Variants in LAIR2 observed in about 807,000 individuals in gnomAD.
LAIR2 encodes leukocyte-associated immunoglobulin-like receptor 2.
Under a neutral mutation model 14.8 loss-of-function variants are expected in LAIR2, and 14 were observed. The ratio of observed to expected loss-of-function variants is 0.95; its 90% confidence interval spans 0.62 to 1.48. LAIR2 has a LOEUF of 1.48. Among genes scored for constraint, LAIR2 ranks in the 40% most tolerant of loss-of-function variants. The probability of loss-of-function intolerance (pLI) is 0.00; values close to 1 mark genes in which losing one functional copy is unlikely to be tolerated. For synonymous variants in LAIR2, 75 were observed against 74.5 expected (o/e 1.01, Z -0.03); for missense variants, 172 against 180.9 (o/e 0.95, Z 0.28).
Position 54,510,632 on chromosome 19 carries a change from T to C in LAIR2, c.*63T>C, listed in dbSNP as rs1436521015. On this transcript the variant is annotated 3_prime_UTR_variant, in exon 5 of 5. Transcript: ENST00000301202. ...GGGGAGAAATAATTAGAATGAGCAA[T>C]AGAAATGCACAGATGCCTATACATA... The C allele has an allele frequency of 1.3e-6, 2 of 1,587,502 alleles. No individual in the cohort carries two copies. Among genetic ancestry groups the C allele is most frequent in the Non-Finnish European group, 1.7e-6 (2 of 1,155,970 alleles).
chr19:54,509,876 G>A (rs971170893), intron 4 of LAIR2, among the ~76,000 whole-genome samples: 1 of 150,616 alleles, frequency 6.6e-6, no homozygotes, highest in African/African-American at 2.4e-5. Context: ...ACTGCCAGGG[G>A]AGGACACGGG....
Position 54,507,950 on chromosome 19 carries a change from C to T in LAIR2, c.130C>T (p.His44Tyr), listed in dbSNP as rs200423201. The T allele has an allele frequency of 1.3e-5, 21 of 1,614,114 alleles. No homozygotes were observed. Among genetic ancestry groups the T allele is most frequent in the Admixed American group, 5.0e-5 (3 of 60,020 alleles). ...AGGCACTGTGATCTCCCCGGGGAGC[C>T]ATGTGACTTTCATGTGCCGGGGCCC... ...EPGTVISPGS[H>Y]VTFMCRGPVG... The change falls in exon 3 of 5, where the codon CAT (histidine) becomes TAT (tyrosine). Residue 44 changes from histidine to tyrosine, a missense_variant. His to Tyr is a moderately conservative substitution (Grantham distance 83). Coordinates refer to ENST00000301202, the MANE Select transcript of LAIR2 (RefSeq NM_002288.6).
At position 54,503,755 on chromosome 19, in the gene LAIR2, C is replaced by T. The variant is rs369937498; in HGVS notation, c.70+20C>T. The T allele has an allele frequency of 1.1e-5, 17 of 1,613,900 alleles. No individual in the cohort carries two copies. Among genetic ancestry groups the T allele is most frequent in the African/African-American group, 6.7e-5 (5 of 74,880 alleles). Reference sequence around the variant, plus strand: ...AGGAGGGTAAGTCATGCCTTCGTCCCGTCTTCCCAGTCCCCTCTGTCACCC... The same window carrying T: ...AGGAGGGTAAGTCATGCCTTCGTCCTGTCTTCCCAGTCCCCTCTGTCACCC... On this transcript the variant is annotated intron_variant, in intron 2 of 4. Transcript: ENST00000301202.
intron 2 of LAIR2, among the ~76,000 whole-genome samples, chr19:54,504,686 C>T (rs34157964): frequency 0.2 from 30,759 of 151,952 alleles, 3,090 homozygotes; most frequent in East Asian, 0.23. Context: ...CTCGGTTCAC[C>T]GCAAACTCAA....
chr19:54,505,562 CCA>C (rs1358528005), intron 2 of LAIR2, among the ~76,000 whole-genome samples: 4 of 152,244 alleles, frequency 2.6e-5, no homozygotes, highest in East Asian at 3.9e-4. Flanking sequence ...ATTGTACTTT[CCA>C]CAGTTTTTAA....
intron 2 of LAIR2, among the ~76,000 whole-genome samples, chr19:54,507,082 G>A (rs2085377194): frequency 6.6e-6 from 1 of 150,856 alleles, no homozygotes; most frequent in Non-Finnish European, 1.5e-5. Flanking sequence ...ATGAAGACGG[G>A]ACGAGTGAAT....
At chr19:54,508,756 A>T (rs545259381) in intron 3 of LAIR2, among the ~76,000 whole-genome samples, 1 of 150,520 alleles carries the variant, frequency 6.6e-6, no homozygotes. Context: ...ACTGGAGAGG[A>T]TCCAACCCAT....
intron 2 of LAIR2, among the ~76,000 whole-genome samples, chr19:54,505,821 AT>A (rs11311344): frequency 0.032 from 4,358 of 134,818 alleles, 176 homozygotes; most frequent in African/African-American, 0.1. Flanking sequence ...TCACATGCTG[AT>A]TTTTTTTTTT....
intron 4 of LAIR2, among the ~76,000 whole-genome samples, chr19:54,509,335 G>C (rs1205132812): frequency 4.9e-5 from 7 of 143,144 alleles, no homozygotes; most frequent in Non-Finnish European, 1.1e-4. Context: ...CACTTAATGG[G>C]GGAGGTACTA....
chr19:54,506,073 C>G (rs11670907), intron 2 of LAIR2, among the ~76,000 whole-genome samples: 4,748 of 152,200 alleles, frequency 0.031, 102 homozygotes, highest in Non-Finnish European at 0.048. Flanking sequence ...GAGCCGCCCA[C>G]CTCGGCCTCC....
Position 54,510,628 on chromosome 19 carries a change from G to A in LAIR2, c.*59G>A. 3 of 1,597,582 alleles carry A rather than the reference G, an allele frequency of 1.9e-6. No homozygotes were observed. Among genetic ancestry groups the A allele is most frequent in the South Asian group, 2.2e-5 (2 of 90,700 alleles). On this transcript the variant is annotated 3_prime_UTR_variant, in exon 5 of 5. Coordinates refer to ENST00000301202, the MANE Select transcript of LAIR2 (RefSeq NM_002288.6). ...CAATGGGGAGAAATAATTAGAATGAGCAATAGAAATGCACAGATGCCTATA... is the reference window on the plus strand; with the variant it reads ...CAATGGGGAGAAATAATTAGAATGAACAATAGAAATGCACAGATGCCTATA...
Position 54,508,185 on chromosome 19 carries a change from G to A in LAIR2, c.364+1G>A, listed in dbSNP as rs1439588181. 52 of 1,609,252 alleles carry A rather than the reference G, an allele frequency of 3.2e-5. No individual in the cohort carries two copies. The highest frequency in any genetic ancestry group is 4.3e-5 in the Non-Finnish European group (51 of 1,177,812). On this transcript the variant is annotated splice_donor_variant, in intron 3 of 4. Transcript: ENST00000301202. LOFTEE classifies it high-confidence loss of function. ...GACTTCCTGGAGCTGCTGGTGAAAGGTGAGGACGTCACCTGGGCCCTGCCC... is the reference window on the plus strand; with the variant it reads ...GACTTCCTGGAGCTGCTGGTGAAAGATGAGGACGTCACCTGGGCCCTGCCC...
rs140795511 is a variant in LAIR2, at chr19:54,504,604, CT to C, written c.70+875del. Among the ~76,000 whole-genome samples, 117 of 152,018 alleles carry C rather than the reference CT, an allele frequency of 7.7e-4. 2 individuals are homozygous for C. The East Asian group carries it at 0.019, about 25-fold the overall frequency. ...CTAATCTCTAACTCTGTGAGATGAC[CT>C]TTTTTGTTTGTTTGTTTGTTTTGGG... On this transcript the variant is annotated intron_variant, in intron 2 of 4. Transcript: ENST00000301202.
intron 3 of LAIR2, among the ~76,000 whole-genome samples, chr19:54,508,449 G>T (rs1346138993): frequency 1.3e-5 from 2 of 152,222 alleles, no homozygotes; most frequent in Non-Finnish European, 2.9e-5. Flanking sequence ...CTCAGAGCTG[G>T]CTCTGCTTGG....
At chr19:54,505,582 T>G (rs1226210023) in intron 2 of LAIR2, among the ~76,000 whole-genome samples, 1 of 152,148 alleles carries the variant, frequency 6.6e-6, no homozygotes, top group Non-Finnish European at 1.5e-5. Context: ...TAAATTGCAT[T>G]CAAAAATTTT....
intron 4 of LAIR2, 119 bp from the exon 5 acceptor site, chr19:54,510,407 T>G: frequency 1.4e-6 from 1 of 725,068 alleles, no homozygotes; most frequent in East Asian, 2.7e-5. Context: ...GCTGTCCTGG[T>G]AGAATCGTTT....
chr19:54,505,814 C>T (rs903082378), intron 2 of LAIR2, among the ~76,000 whole-genome samples: 1 of 149,548 alleles, frequency 6.7e-6, no homozygotes, highest in African/African-American at 2.5e-5. Context: ...GTTCTTCTCA[C>T]ATGCTGATTT....
chr19:54,508,162 C>G lies in LAIR2; in HGVS notation c.342C>G (p.Asp114Glu), dbSNP rs2085402684. 4 of 1,612,630 alleles carry G rather than the reference C, an allele frequency of 2.5e-6. No individual in the cohort carries two copies. The African/African-American group carries it at 5.3e-5, about 22-fold the overall frequency. ...YKPPGWSEHS[D>E]FLELLVKESS... ...CCCCTGGATGGTCTGAGCACAGTGA[C>G]TTCCTGGAGCTGCTGGTGAAAGGTG... Residue 114 changes from aspartate to glutamate, a missense_variant, in exon 3 of 5, where the codon GAC becomes GAG. Asp to Glu is a conservative substitution (Grantham distance 45). This residue lies in a region of LAIR2 where 161 missense variants were observed against 149.0 expected (regional missense o/e 1.08). Transcript: ENST00000301202.
rs2085399006 is a variant in LAIR2 at position 54,508,075 on chromosome 19, A to C, written c.255A>C (p.Arg85Ser). The C allele has an allele frequency of 6.2e-7, 1 of 1,614,044 alleles. No individual in the cohort carries two copies. The highest frequency in any genetic ancestry group is 8.5e-7 in the Non-Finnish European group (1 of 1,180,000). Residue 85 changes from arginine to serine, a missense_variant, in exon 3 of 5, where the codon AGA (arginine) becomes AGC (serine). Coordinates refer to ENST00000301202, the MANE Select transcript of LAIR2 (RefSeq NM_002288.6). ...FRLGPSESEA[R>S]FHIDSVSEGN... ...TTGGTCCATCTGAGTCAGAGGCCAG[A>C]TTCCACATTGACTCAGTAAGTGAAG... is the stretch of plus-strand genomic sequence containing the variant.
Sources: gnomAD v4.1 joint callset for allele counts (sites outside exome capture counted in the v4.1 genomes callset) on GRCh38, gnomAD v4.1.1 for gene constraint, gnomAD v4.1.1 regional missense constraint, MANE v1.5 for transcripts, NCBI Gene and HGNC (gene_info 2026-07-23, HGNC 2026-07-21) for gene names.